The following ZNF222 variants were observed in gnomAD, a reference collection of about 807,000 sequenced individuals.
ZNF222 encodes zinc finger protein 222.
A neutral mutation model predicts 11.6 loss-of-function variants in ZNF222; 8 were observed. The observed-to-expected ratio is 0.69, with a 90% CI of 0.41 to 1.25. The LOEUF is 1.25. Among genes scored for constraint, ZNF222 ranks in the 50% most tolerant of loss-of-function variants. The probability of loss-of-function intolerance (pLI) is 0.01; values close to 1 mark genes in which losing one functional copy is unlikely to be tolerated. For missense variants in ZNF222, 483 were observed against 576.1 expected, an observed-to-expected ratio of 0.84 and a Z score of 1.65; for synonymous variants, 171 against 195.6, an observed-to-expected ratio of 0.87 and a Z score of 1.05.
Position 44,025,536 on chromosome 19 carries a change from G to C in ZNF222, c.42+58G>C, listed in dbSNP as rs1350444811. 8 of 1,509,172 alleles carry C rather than the reference G, an allele frequency of 5.3e-6. No individual in the cohort carries two copies. Among genetic ancestry groups the C allele is most frequent in the African/African-American group, 1.4e-5 (1 of 71,796 alleles). 93.5% of individuals were successfully genotyped at this position (1,509,172 alleles called of 1,614,324 possible). A position where few individuals can be genotyped will look rare whatever the true frequency, so the allele number is the denominator to read the frequency against. On this transcript the variant is annotated intron_variant, in intron 1 of 3. Transcript: ENST00000391960. This position sits in a 1 kb window ranked among gnomAD's most constrained non-coding sequence, Gnocchi z 4.6. ...CAGTCAGCTGAGCCTTCTGGCGTCG[G>C]GGGGCTCTGCTAGGGTCTCAGGGAG...
Position 44,025,450 on chromosome 19 carries a change from G to T in ZNF222, c.14G>T (p.Gly5Val), listed in dbSNP as rs1459717215. The change falls in exon 1 of 4, where the codon GGA (glycine) becomes GTA (valine). Residue 5 changes from glycine (G) to valine (V), a missense_variant. Transcript: ENST00000391960. The surrounding 1 kb of genome is among the most constrained non-coding windows in gnomAD (Gnocchi z 4.6). ...CGCAACCACCCAATGATCGATTCAG[G>T]AGAAAAGAAGCCTGGGCGGAGAGCA... The part of the protein sequence containing the change: MIDS[G>V]EKKPGRRAEE... 1 of 1,551,458 alleles carries T rather than the reference G, an allele frequency of 6.4e-7. No homozygotes were observed.
chr19:44,027,037 C>G lies in ZNF222; in HGVS notation c.57C>G (p.Phe19Leu). ...TGATGTTGTAGGAGGCAGTGACCTT[C>G]AAGGATGTGGCTGTGATCTTCACTG... ...PGRRAEEAVT[F>L]KDVAVIFTEE... Residue 19 changes from phenylalanine (F) to leucine (L), a missense_variant, in exon 2 of 4, where the codon TTC becomes TTG. Coordinates refer to ENST00000391960, the MANE Select transcript of ZNF222 (RefSeq NM_001129996.2). 1 of 1,614,082 alleles carries G rather than the reference C, an allele frequency of 6.2e-7. No homozygotes were observed. The highest frequency in any genetic ancestry group is 8.5e-7 in the Non-Finnish European group (1 of 1,179,990).
chr19:44,031,275 A>G (rs1259182720), intron 3 of ZNF222, among the ~76,000 whole-genome samples: 1 of 152,220 alleles, frequency 6.6e-6, no homozygotes, highest in Non-Finnish European at 1.5e-5. Flanking sequence ...ATTTCTATCC[A>G]GAATTTTACA....
At chr19:44,030,440 GA>G (rs1169865548) in intron 3 of ZNF222, among the ~76,000 whole-genome samples, 6 of 152,322 alleles carry the variant, frequency 3.9e-5, no homozygotes, top group African/African-American at 1.4e-4. Flanking sequence ...CACATCAAGT[GA>G]AAATTCGGCA....
At position 44,032,750 on chromosome 19, in the gene ZNF222, A is replaced by C; in HGVS notation, c.1196A>C (p.His399Pro). Residue 399 changes from histidine (H) to proline (P), a missense_variant, in exon 4 of 4, where the codon CAC becomes CCC. Transcript: ENST00000391960. ...GYISKSGLDF[H>P]HRTHTGERSY... ...ATTAGTAAGTCAGGTCTTGACTTCC[A>C]CCATAGAACCCACACGGGAGAGAGA... is the stretch of plus-strand genomic sequence containing the variant. The C allele has an allele frequency of 1.2e-6, 2 of 1,614,184 alleles. No homozygotes were observed. The highest frequency in any genetic ancestry group is 1.7e-6 in the Non-Finnish European group (2 of 1,180,032).
In ZNF222 at chr19:44,027,413, A is replaced by G. The variant is rs1276734177; in HGVS notation, c.185A>G (p.His62Arg). ...NLLSVGHQPF[H>R]GDTFHFLREE... ...CTGTTCACAGGGCATCAACCATTCC[A>G]TGGAGATACTTTCCACTTCCTAAGG... Residue 62 changes from histidine to arginine, a missense_variant, in exon 3 of 4, where the codon CAT becomes CGT. Transcript: ENST00000391960. The G allele has an allele frequency of 3.7e-6, 6 of 1,614,044 alleles. No homozygotes were observed. The highest frequency in any genetic ancestry group is 5.1e-6 in the Non-Finnish European group (6 of 1,180,018).
At chr19:44,026,287 C>A (rs1358890506) in intron 1 of ZNF222, among the ~76,000 whole-genome samples, 3 of 100,242 alleles carry the variant, frequency 3.0e-5, no homozygotes, top group South Asian at 3.7e-4. Flanking sequence ...TAAAGATGGG[C>A]GTGAGACACA....
intron 2 of ZNF222, 79 bp downstream of exon 2, chr19:44,027,228 G>A: frequency 4.4e-6 from 7 of 1,596,154 alleles, no homozygotes; most frequent in Non-Finnish European, 6.0e-6. Context: ...AAGTTTGAGT[G>A]TGCAGTGAGA....
At chr19:44,028,189 TCCTC>T (rs1976423081) in intron 3 of ZNF222, 3 of 399,022 alleles carry the variant, frequency 7.5e-6, no homozygotes, top group Non-Finnish European at 1.3e-5. Context: ...TCTTATGCCT[TCCTC>T]TTTCACCTTT....
At chr19:44,028,954 T>A (rs907238197) in intron 3 of ZNF222, among the ~76,000 whole-genome samples, 1 of 152,224 alleles carries the variant, frequency 6.6e-6, no homozygotes. Context: ...TCATATACTT[T>A]AAGTCATGTC....
Position 44,027,111 on chromosome 19 carries a change from A to T in ZNF222, c.131A>T (p.Asp44Val). 6.2e-7 allele frequency: 1 copy of T among 1,613,958 alleles called. No homozygotes were observed. Among genetic ancestry groups the T allele is most frequent in the Non-Finnish European group, 8.5e-7 (1 of 1,179,992 alleles). ...CCTGCCCAGAGGAAGCTGTACCGAGATGTGATGCTTGAGAACTTCAGGAAC... is the reference window on the plus strand; with the variant it reads ...CCTGCCCAGAGGAAGCTGTACCGAGTTGTGATGCTTGAGAACTTCAGGAAC... ...LDPAQRKLYR[D>V]VMLENFRNLL... The change falls in exon 2 of 4, where the codon GAT becomes GTT. Residue 44 changes from aspartate (D) to valine (V), a missense_variant. Coordinates refer to ENST00000391960, the MANE Select transcript of ZNF222 (RefSeq NM_001129996.2).
At position 44,027,401 on chromosome 19, in the gene ZNF222, A is replaced by G. The variant is rs528770665; in HGVS notation, c.173A>G (p.His58Arg). ...ATGTGACTTTGCCTGTTCACAGGGC[A>G]TCAACCATTCCATGGAGATACTTTC... ...ENFRNLLSVG[H>R]QPFHGDTFHF... Residue 58 changes from histidine to arginine, a missense_variant, in exon 3 of 4, where the codon CAT (histidine) becomes CGT (arginine). Coordinates refer to ENST00000391960, the MANE Select transcript of ZNF222 (RefSeq NM_001129996.2). 37 of 1,614,060 alleles carry G rather than the reference A, an allele frequency of 2.3e-5. No homozygotes were observed. The highest frequency in any genetic ancestry group is 3.1e-5 in the Non-Finnish European group (36 of 1,180,002).
Position 44,027,142 on chromosome 19 carries a change from C to G in ZNF222, c.162C>G (p.Leu54=). ...DVMLENFRNL[L]SVGHQPFHGD... is the part of the protein sequence containing the mutation. ...TGCTTGAGAACTTCAGGAACCTGCT[C>G]TCAGTGGGTGAGGACGGGCACCCCC... Residue 54 remains leucine, a synonymous_variant, in exon 2 of 4, where the codon CTC becomes CTG. Transcript: ENST00000391960. 6.2e-7 allele frequency: 1 copy of G among 1,614,048 alleles called. No individual in the cohort carries two copies. Among genetic ancestry groups the G allele is most frequent in the East Asian group, 2.2e-5 (1 of 44,874 alleles).
chr19:44,031,978 C>A lies in ZNF222; in HGVS notation c.424C>A (p.Gln142Lys). 3.1e-6 allele frequency: 5 copies of A among 1,614,206 alleles called. No individual in the cohort carries two copies. The South Asian group carries it at 3.3e-5, about 11-fold the overall frequency. Residue 142 changes from glutamine (Q) to lysine (K), a missense_variant, in exon 4 of 4, where the codon CAG (glutamine) becomes AAG (lysine). Gln to Lys is a moderately conservative substitution (Grantham distance 53, BLOSUM62 1). Coordinates refer to ENST00000391960, the MANE Select transcript of ZNF222 (RefSeq NM_001129996.2). ...ATTTGAACAAGATGACAACCCCTCC[C>A]AGATTAAAGCAAGACTATCTACAGT... ...QLFEQDDNPS[Q>K]IKARLSTVHT...
intron 1 of ZNF222, 25 bp from the exon 2 acceptor site, chr19:44,026,998 A>C (rs1224794756): frequency 6.2e-7 from 1 of 1,613,452 alleles, no homozygotes. Context: ...CGTAAGATTG[A>C]GGTGACATCT....
intron 3 of ZNF222, chr19:44,028,113 A>G (rs1976420442): frequency 2.5e-6 from 1 of 399,406 alleles, no homozygotes; most frequent in Non-Finnish European, 4.4e-6. Flanking sequence ...CCCTTCCTCC[A>G]TCTTCAAAAG....
chr19:44,032,694 A>C lies in ZNF222; in HGVS notation c.1140A>C (p.Pro380=). Residue 380 remains proline (P), a synonymous_variant, in exon 4 of 4, where the codon CCA becomes CCC. Transcript: ENST00000391960. The part of the protein sequence containing the change: ...VHQRVHTGEK[P]YKCEECGKGY... The stretch of plus-strand genomic sequence containing the variant: ...AACGAGTCCACACTGGAGAAAAGCC[A>C]TACAAATGTGAGGAGTGTGGGAAGG... 1.2e-6 allele frequency: 2 copies of C among 1,614,246 alleles called. No individual in the cohort carries two copies. The highest frequency in any genetic ancestry group is 1.7e-6 in the Non-Finnish European group (2 of 1,180,038).
Position 44,027,035 on chromosome 19 carries a change from T to C in ZNF222, c.55T>C (p.Phe19Leu). ...CTTGATGTTGTAGGAGGCAGTGACCTTCAAGGATGTGGCTGTGATCTTCAC... is the reference window on the plus strand; with the variant it reads ...CTTGATGTTGTAGGAGGCAGTGACCCTCAAGGATGTGGCTGTGATCTTCAC... The part of the protein sequence containing the change: ...PGRRAEEAVT[F>L]KDVAVIFTEE... The change falls in exon 2 of 4, where the codon TTC becomes CTC. Residue 19 changes from phenylalanine to leucine, a missense_variant. By Grantham distance (22) the Phe-to-Leu change is conservative (BLOSUM62 0). Coordinates refer to ENST00000391960, the MANE Select transcript of ZNF222 (RefSeq NM_001129996.2). The C allele has an allele frequency of 6.2e-7, 1 of 1,614,080 alleles. No individual in the cohort carries two copies. The highest frequency in any genetic ancestry group is 1.3e-5 in the African/African-American group (1 of 75,030).
In ZNF222 at chr19:44,029,200, T is replaced by G. The variant is rs895164497; in HGVS notation, c.262+1710T>G. Among the ~76,000 whole-genome samples the G allele has an allele frequency of 4.9e-3, 722 of 147,148 alleles. 15 individuals carry two copies. Among genetic ancestry groups the G allele is most frequent in the African/African-American group, 0.017 (674 of 39,374 alleles). On this transcript the variant is annotated intron_variant, in intron 3 of 3. Transcript: ENST00000391960. Reference sequence around the variant, plus strand: ...TGGTTTGTTTTGTTTTGTTTTTTTTTTTTTTTTTTTTTTTGTCTGTGCAGG... The same window carrying G: ...TGGTTTGTTTTGTTTTGTTTTTTTTGTTTTTTTTTTTTTTGTCTGTGCAGG...
Sources: allele counts gnomAD v4.1 joint callset (sites outside exome capture counted in the v4.1 genomes callset), GRCh38; gene constraint gnomAD v4.1.1; non-coding constraint Gnocchi (gnomAD v3.1); transcripts MANE v1.5; gene names NCBI Gene and HGNC (gene_info 2026-07-23, HGNC 2026-07-21).